The following TEX2 variants were observed in gnomAD, a reference collection of about 807,000 sequenced individuals.
TEX2 encodes testis expressed 2, also known as testis-expressed protein 2.
Under a neutral mutation model 106.9 loss-of-function variants are expected in TEX2, and 53 were observed. That is an observed-to-expected ratio of 0.50 (90% CI 0.40 to 0.62). The LOEUF (loss-of-function observed/expected upper bound fraction) is 0.62, where lower values mean the gene tolerates loss of function less well. Among genes scored for constraint, TEX2 ranks in the 20% least tolerant of loss-of-function variants. TEX2 has a pLI of 0.00. For missense variants in TEX2, 1,207 were observed against 1,379.0 expected (o/e 0.88, Z 1.98); for synonymous variants, 523 against 534.8 (o/e 0.98, Z 0.30).
intron 7 of TEX2, among the ~76,000 whole-genome samples, chr17:64,169,499 G>A (rs1476855261): frequency 6.6e-6 from 1 of 152,178 alleles, no homozygotes; most frequent in Non-Finnish European, 1.5e-5. Context: ...GGGGTTACAG[G>A]TGAGCTCAAC....
At position 64,196,774 on chromosome 17, in the gene TEX2, T is replaced by C. The variant is rs151330242; in HGVS notation, c.1645-1679A>G. Among the ~76,000 whole-genome samples, 9 of 152,274 alleles carry C rather than the reference T, an allele frequency of 5.9e-5. No individual in the cohort carries two copies. The East Asian group carries it at 1.7e-3, about 29-fold the overall frequency. The stretch of plus-strand genomic sequence containing the variant: ...CTGTTCTTATGGCAAATTACATTCA[T>C]TGACTTTCAAATGTTGAACCAGTCT... On this transcript the variant is annotated intron_variant, in intron 2 of 11. Transcript: ENST00000584379.
intron 5 of TEX2, among the ~76,000 whole-genome samples, chr17:64,180,218 G>A (rs1204184102): frequency 6.6e-6 from 1 of 152,212 alleles, no homozygotes; most frequent in African/African-American, 2.4e-5. Context: ...GGTTATACAA[G>A]AGAATAAGTT....
At chr17:64,245,701 A>C (rs1171731314) in intron 1 of TEX2, among the ~76,000 whole-genome samples, 1 of 152,126 alleles carries the variant, frequency 6.6e-6, no homozygotes, top group Admixed American at 6.5e-5. Flanking sequence ...TAAACCTTTG[A>C]CTTTGGAATA....
chr17:64,249,929 G>C, intron 1 of TEX2, among the ~76,000 whole-genome samples: 1 of 152,128 alleles, frequency 6.6e-6, no homozygotes, highest in East Asian at 1.9e-4. Flanking sequence ...ACCCCATCAG[G>C]ATCGAATACC....
intron 1 of TEX2, among the ~76,000 whole-genome samples, chr17:64,225,299 C>G (rs912694274): frequency 1.3e-5 from 2 of 151,140 alleles, no homozygotes; most frequent in Non-Finnish European, 2.9e-5. Context: ...TTAAAAACAA[C>G]AAAAAAAGAA....
intron 9 of TEX2, 143 bp downstream of exon 9, chr17:64,154,699 C>A: frequency 1.5e-5 from 16 of 1,079,238 alleles, no homozygotes; most frequent in Non-Finnish European, 2.0e-5. Context: ...AGACCACTGA[C>A]CTGGGATATT....
At position 64,208,765 on chromosome 17, in the gene TEX2, C is replaced by T. The variant is rs114757608; in HGVS notation, c.1644+3809G>A. ...TCACCCTCCTGAGTAGCTGGGACCA[C>T]ATGCATGCACCACCATACCTGGCTA... On this transcript the variant is annotated intron_variant, in intron 2 of 11. Transcript: ENST00000584379. 5.1e-3 allele frequency among the ~76,000 whole-genome samples: 782 copies of T among 152,056 alleles called. 11 individuals carry two copies. The highest frequency in any genetic ancestry group is 0.017 in the African/African-American group (722 of 41,450).
chr17:64,257,418 C>T (rs2034204055), intron 1 of TEX2, among the ~76,000 whole-genome samples: 2 of 152,194 alleles, frequency 1.3e-5, no homozygotes, highest in Admixed American at 6.5e-5. Flanking sequence ...TACAAGTAGT[C>T]CCCACTTATC....
At position 64,214,812 on chromosome 17, in the gene TEX2, A is replaced by G. The variant is rs111364247; in HGVS notation, c.-25-570T>C. Among the ~76,000 whole-genome samples the G allele has an allele frequency of 2.0e-3, 312 of 152,362 alleles. 1 individual carries two copies. Among genetic ancestry groups the G allele is most frequent in the African/African-American group, 7.3e-3 (302 of 41,582 alleles). On this transcript the variant is annotated intron_variant, in intron 1 of 11. Coordinates refer to ENST00000584379, the MANE Select transcript of TEX2 (RefSeq NM_001288732.2). ...AAAGTATCCAAATGTGGAAATCTGT[A>G]AACTAATTGCCATGGTCTGTTGGCC...
At chr17:64,250,235 C>G in intron 1 of TEX2, among the ~76,000 whole-genome samples, 1 of 152,214 alleles carries the variant, frequency 6.6e-6, no homozygotes, top group Non-Finnish European at 1.5e-5. Context: ...CTGAGGATAC[C>G]AAGATGGCTC....
At chr17:64,216,968 C>T (rs2033205588) in intron 1 of TEX2, among the ~76,000 whole-genome samples, 1 of 152,164 alleles carries the variant, frequency 6.6e-6, no homozygotes, top group Admixed American at 6.5e-5. Flanking sequence ...ACAGTAAATG[C>T]CCCCAAACCC....
chr17:64,262,888 C>T (rs891368660), intron 1 of TEX2, among the ~76,000 whole-genome samples: 38 of 152,182 alleles, frequency 2.5e-4, no homozygotes, highest in Non-Finnish European at 2.9e-4. Context: ...GGCCGGGGAC[C>T]GCAGGCTGAG....
rs2030303102 is a variant in TEX2 at position 64,150,601 on chromosome 17, C to G, written c.3261+240G>C. ...AAAAGACATCATCATTTTGCTCTGA[C>G]CCAAATCTTTTGGGTTTCCTCTGAA... On this transcript the variant is annotated intron_variant, in intron 11 of 11. Coordinates refer to ENST00000584379, the MANE Select transcript of TEX2 (RefSeq NM_001288732.2). The G allele has an allele frequency of 1.4e-5, 4 of 282,652 alleles. No individual in the cohort carries two copies. In the South Asian group the frequency reaches 3.4e-4, roughly 24 times the overall value. The allele number at this position is 282,652 out of a possible 1,614,324, so 17.5% of individuals were successfully genotyped here.
intron 5 of TEX2, among the ~76,000 whole-genome samples, chr17:64,178,822 G>C (rs1050058162): frequency 6.6e-6 from 1 of 152,242 alleles, no homozygotes; most frequent in Non-Finnish European, 1.5e-5. Context: ...TTGTGCTTGT[G>C]CATTCGTGCC....
chr17:64,163,521 C>T (rs951137275), intron 7 of TEX2, among the ~76,000 whole-genome samples: 8 of 152,128 alleles, frequency 5.3e-5, no homozygotes, highest in Non-Finnish European at 4.4e-5. Flanking sequence ...GATGTGCTTG[C>T]ATTCAGATGA....
rs561151420 is a variant in TEX2, at chr17:64,181,689, T to C, written c.2425-4218A>G. ...ACCACCACGCCTGGCTAATTTTTTGTATTTTTAGTACAGACGGGGCTTCTC... is the reference window on the plus strand; with the variant it reads ...ACCACCACGCCTGGCTAATTTTTTGCATTTTTAGTACAGACGGGGCTTCTC... On this transcript the variant is annotated intron_variant, in intron 5 of 11. Transcript: ENST00000584379. 3.2e-3 allele frequency among the ~76,000 whole-genome samples: 485 copies of C among 151,964 alleles called. 3 individuals are homozygous for C. Among genetic ancestry groups the C allele is most frequent in the African/African-American group, 0.011 (465 of 41,468 alleles).
intron 1 of TEX2, among the ~76,000 whole-genome samples, chr17:64,260,015 A>G (rs1347162963): frequency 6.6e-6 from 1 of 152,252 alleles, no homozygotes; most frequent in Non-Finnish European, 1.5e-5. Context: ...CAGAAAGAGA[A>G]GTAATTTACC....
chr17:64,256,630 A>G (rs1220023135), intron 1 of TEX2, among the ~76,000 whole-genome samples: 1 of 152,116 alleles, frequency 6.6e-6, no homozygotes, highest in Non-Finnish European at 1.5e-5. Context: ...TTACAATCCA[A>G]TATATATGAT....
At chr17:64,251,779 C>T (rs2034097531) in intron 1 of TEX2, among the ~76,000 whole-genome samples, 1 of 152,156 alleles carries the variant, frequency 6.6e-6, no homozygotes, top group African/African-American at 2.4e-5. Flanking sequence ...CAGGAAGCCT[C>T]CCCTGCACAA....
Sources: allele counts gnomAD v4.1 joint callset (sites outside exome capture counted in the v4.1 genomes callset), GRCh38; gene constraint gnomAD v4.1.1; transcripts MANE v1.5; gene names NCBI Gene and HGNC (gene_info 2026-07-23, HGNC 2026-07-21).